PARD3B: variants seen among roughly 807,000 people sequenced by gnomAD.
The protein encoded by PARD3B is par-3 family cell polarity regulator beta.
Under a neutral mutation model 130.2 loss-of-function variants are expected in PARD3B, and 103 were observed. The ratio of observed to expected loss-of-function variants is 0.79; its 90% CI spans 0.67 to 0.93. The LOEUF (loss-of-function observed/expected upper bound fraction) is 0.93, where lower values mean the gene tolerates loss of function less well. PARD3B is among the 40% of genes least tolerant of loss of function. The pLI is 0.00. For synonymous variants in PARD3B, 583 were observed against 553.2 expected (o/e 1.05, Z -0.76); for missense variants, 1,609 against 1,499.2 (o/e 1.07, Z -1.21).
chr2:205,427,967 C>T (rs969743802), intron 19 of PARD3B, among the ~76,000 whole-genome samples: 4 of 151,998 alleles, frequency 2.6e-5, no homozygotes, highest in Non-Finnish European at 2.9e-5. Context: ...TTTTCGCCAT[C>T]CCCCCAACTC....
chr2:204,869,235 A>G (rs1223536933), intron 2 of PARD3B, among the ~76,000 whole-genome samples: 3 of 152,074 alleles, frequency 2.0e-5, no homozygotes, highest in Non-Finnish European at 4.4e-5. Context: ...CAGTTTCTCA[A>G]ACTTATGTGT....
chr2:205,528,435 T>TA (rs1402711160), intron 21 of PARD3B, among the ~76,000 whole-genome samples: 1 of 152,142 alleles, frequency 6.6e-6, no homozygotes, highest in Non-Finnish European at 1.5e-5. Context: ...CACATATAAA[T>TA]TGAGACCTGT....
At chr2:204,713,073 T>G (rs550558437) in intron 2 of PARD3B, among the ~76,000 whole-genome samples, 16 of 152,132 alleles carry the variant, frequency 1.1e-4, no homozygotes, top group African/African-American at 3.1e-4. Context: ...TATTTGAACT[T>G]ATTAATCCTG....
intron 3 of PARD3B, among the ~76,000 whole-genome samples, chr2:204,998,399 T>TAAAGAATTAGAG (rs1559341725): frequency 1.4e-5 from 1 of 73,438 alleles, no homozygotes; most frequent in Non-Finnish European, 2.8e-5. Context: ...TATATATGTA[T>TAAAGAATTAGAG]ATATGTGTAT....
intron 18 of PARD3B, among the ~76,000 whole-genome samples, chr2:205,365,615 AC>A (rs1174670995): frequency 1.3e-5 from 2 of 149,296 alleles, no homozygotes; most frequent in Non-Finnish European, 3.0e-5. Flanking sequence ...ACAAAGAAAA[AC>A]CCTTATCTTA....
chr2:205,086,924 C>T (rs960386714), intron 4 of PARD3B, among the ~76,000 whole-genome samples: 5 of 152,140 alleles, frequency 3.3e-5, no homozygotes, highest in African/African-American at 9.7e-5. Context: ...TCTGGCACAT[C>T]GTAAAGCATG....
intron 19 of PARD3B, among the ~76,000 whole-genome samples, chr2:205,431,382 C>T (rs1347791568): frequency 1.3e-5 from 2 of 151,962 alleles, no homozygotes. Context: ...CAGCCCGAAA[C>T]TTGATAATTA....
rs921773149 is a variant in PARD3B, at chr2:205,450,543, G to A, written c.3044+9871G>A. Among the ~76,000 whole-genome samples, 8 of 137,156 alleles carry A rather than the reference G, an allele frequency of 5.8e-5. No individual in the cohort carries two copies. In the Admixed American group the frequency reaches 5.9e-4, roughly 10 times the overall value. The allele number at this position is 137,156 out of a possible 152,430, so 90.0% of individuals were successfully genotyped here. On this transcript the variant is annotated intron_variant, in intron 20 of 22. Transcript: ENST00000406610. Reference sequence around the variant, plus strand: ...GGCTGGAGTGCAATGGCATGATCTCGGCTCACTGCAACCTCCGCCTCCCAG... The same window carrying A: ...GGCTGGAGTGCAATGGCATGATCTCAGCTCACTGCAACCTCCGCCTCCCAG...
At chr2:205,100,367 A>G (rs760179124) in intron 4 of PARD3B, among the ~76,000 whole-genome samples, 3 of 152,116 alleles carry the variant, frequency 2.0e-5, no homozygotes, top group Non-Finnish European at 4.4e-5. Flanking sequence ...TTAACTGTTC[A>G]TGGATTGAGA....
At chr2:205,396,051 GT>G (rs1358375006) in intron 18 of PARD3B, among the ~76,000 whole-genome samples, 2 of 152,026 alleles carry the variant, frequency 1.3e-5, no homozygotes, top group Admixed American at 6.6e-5. Context: ...TTCTTTTACT[GT>G]TTTGAATACA....
chr2:205,114,217 A>G (rs1356317294), intron 6 of PARD3B, among the ~76,000 whole-genome samples: 1 of 152,134 alleles, frequency 6.6e-6, no homozygotes, highest in Non-Finnish European at 1.5e-5. Flanking sequence ...TGAAATTTAC[A>G]TCTATCTAAC....
At chr2:205,037,197 A>G (rs1341253525) in intron 3 of PARD3B, among the ~76,000 whole-genome samples, 2 of 147,982 alleles carry the variant, frequency 1.4e-5, no homozygotes, top group African/African-American at 2.5e-5. Flanking sequence ...ACAAATATAT[A>G]TATAGCGGAC....
chr2:204,655,440 G>C (rs112638216), intron 1 of PARD3B, among the ~76,000 whole-genome samples: 2,852 of 152,012 alleles, frequency 0.019, 42 homozygotes, highest in Middle Eastern at 0.071. Flanking sequence ...TGCATTCCTG[G>C]ATGCGTTTTC....
intron 4 of PARD3B, among the ~76,000 whole-genome samples, chr2:205,082,068 T>C (rs1701450485): frequency 6.6e-6 from 1 of 152,172 alleles, no homozygotes; most frequent in African/African-American, 2.4e-5. Flanking sequence ...CCCTTTAAGT[T>C]CCATCTTTCT....
At chr2:205,179,413 C>G (rs1468871438) in intron 13 of PARD3B, among the ~76,000 whole-genome samples, 1 of 152,156 alleles carries the variant, frequency 6.6e-6, no homozygotes, top group Non-Finnish European at 1.5e-5. Context: ...CTCACTGACT[C>G]ACCCAGAGCA....
At chr2:204,635,135 C>T (rs920524603) in intron 1 of PARD3B, among the ~76,000 whole-genome samples, 1 of 152,162 alleles carries the variant, frequency 6.6e-6, no homozygotes, top group Non-Finnish European at 1.5e-5. Context: ...AGTTTTTTAG[C>T]CAGTGGAAGC....
At chr2:205,236,119 A>T (rs2039050743) in intron 15 of PARD3B, among the ~76,000 whole-genome samples, 1 of 152,242 alleles carries the variant, frequency 6.6e-6, no homozygotes, top group Non-Finnish European at 1.5e-5. Context: ...ATTTTGAAAG[A>T]TTCAAATGAT....
intron 22 of PARD3B, among the ~76,000 whole-genome samples, chr2:205,610,775 A>G (rs535059408): frequency 2.0e-5 from 3 of 152,038 alleles, no homozygotes; most frequent in Non-Finnish European, 4.4e-5. Context: ...CATCCCTCCT[A>G]CTTCCTTCCT....
chr2:204,871,671 C>A (rs181627921), intron 2 of PARD3B, among the ~76,000 whole-genome samples: 10 of 152,216 alleles, frequency 6.6e-5, no homozygotes, highest in African/African-American at 2.4e-4. Context: ...CCTGCACTTA[C>A]AAACTCACTG....
Sources: gnomAD v4.1 joint callset for allele counts (sites outside exome capture counted in the v4.1 genomes callset) on GRCh38, gnomAD v4.1.1 for gene constraint, MANE v1.5 for transcripts, NCBI Gene and HGNC (gene_info 2026-07-23, HGNC 2026-07-21) for gene names.